Variants in IL1RAPL2 observed in about 807,000 individuals in gnomAD.
IL1RAPL2 encodes interleukin 1 receptor accessory protein like 2, also known as X-linked interleukin-1 receptor accessory protein-like 2.
A neutral mutation model predicts 44.1 loss-of-function variants in IL1RAPL2; 3 were observed. The ratio of observed to expected loss-of-function variants is 0.07; its 90% CI spans 0.03 to 0.18. IL1RAPL2 has a LOEUF of 0.18. Among genes scored for constraint, IL1RAPL2 ranks in the 10% least tolerant of loss-of-function variants. The pLI is 1.00. For synonymous variants in IL1RAPL2, 181 were observed against 178.8 expected (o/e 1.01, Z -0.10); for missense variants, 391 against 496.4 (o/e 0.79, Z 2.02).
intron 2 of IL1RAPL2, among the ~76,000 whole-genome samples, chrX:104,703,116 T>C (rs1379059733): frequency 9.0e-6 from 1 of 111,461 alleles, no homozygotes; most frequent in Non-Finnish European, 1.9e-5. Flanking sequence ...CTCAATTATT[T>C]TCTAGCTCTA....
At chrX:105,755,400 A>G in intron 10 of IL1RAPL2, 53 bp downstream of exon 10, 1 of 913,276 alleles carries the variant, frequency 1.1e-6, no homozygotes, top group Non-Finnish European at 1.5e-6. Context: ...TTAGGATGTT[A>G]TGTGAAGGCT....
chrX:105,503,417 G>T (rs779196671), intron 6 of IL1RAPL2, among the ~76,000 whole-genome samples: 1 of 111,616 alleles, frequency 9.0e-6, no homozygotes, highest in Non-Finnish European at 1.9e-5. Flanking sequence ...ATATTAATGC[G>T]CTTTGGTCTT....
At chrX:105,457,318 A>G (rs770419854) in intron 5 of IL1RAPL2, among the ~76,000 whole-genome samples, 1 of 111,473 alleles carries the variant, frequency 9.0e-6, no homozygotes, top group South Asian at 3.8e-4. Flanking sequence ...TGTATTCACA[A>G]TGTTGTGTAT....
At chrX:105,707,260 G>A (rs2038173208) in intron 6 of IL1RAPL2, among the ~76,000 whole-genome samples, 1 of 111,755 alleles carries the variant, frequency 8.9e-6, no homozygotes, top group South Asian at 3.7e-4. Flanking sequence ...GTTAGCAAAT[G>A]AAAGGGAAAA....
intron 4 of IL1RAPL2, among the ~76,000 whole-genome samples, chrX:105,244,021 A>T (rs1000656683): frequency 8.9e-6 from 1 of 111,775 alleles, no homozygotes; most frequent in Non-Finnish European, 1.9e-5. Context: ...CTGCATGTCA[A>T]TAGGCATCCC....
chrX:105,118,327 A>G (rs1167666399), intron 2 of IL1RAPL2, among the ~76,000 whole-genome samples: 1 of 112,481 alleles, frequency 8.9e-6, no homozygotes, highest in Non-Finnish European at 1.9e-5. Context: ...AAATAATGCA[A>G]AGAGCTTCTG....
chrX:105,031,216 C>T (rs2031486977), intron 2 of IL1RAPL2, among the ~76,000 whole-genome samples: 1 of 108,834 alleles, frequency 9.2e-6, no homozygotes, highest in African/African-American at 3.4e-5. Context: ...TCCTCTTTTC[C>T]TAATTGAATA....
intron 2 of IL1RAPL2, among the ~76,000 whole-genome samples, chrX:104,833,029 A>G (rs1428168886): frequency 8.9e-6 from 1 of 112,437 alleles, no homozygotes; most frequent in Admixed American, 9.5e-5. Context: ...ATTCTTTATG[A>G]GTAGAAGACT....
At chrX:104,659,162 G>T (rs1930338812) in intron 2 of IL1RAPL2, among the ~76,000 whole-genome samples, 167 bp downstream of exon 2, 1 of 111,680 alleles carries the variant, frequency 9.0e-6, no homozygotes, top group Admixed American at 9.6e-5. Flanking sequence ...CTACCACTGA[G>T]AAATTGTTGG....
chrX:105,291,597 C>T (rs1714290226), intron 5 of IL1RAPL2, among the ~76,000 whole-genome samples: 1 of 111,515 alleles, frequency 9.0e-6, no homozygotes, highest in African/African-American at 3.3e-5. Flanking sequence ...AATACCCACA[C>T]CCAGTAGAAG....
At chrX:104,832,247 T>C (rs1468665215) in intron 2 of IL1RAPL2, among the ~76,000 whole-genome samples, 5 of 112,268 alleles carry the variant, frequency 4.5e-5, no homozygotes. Context: ...AGCCATTTAA[T>C]TTTTTTGTTT....
chrX:105,260,697 C>T (rs901329340), intron 4 of IL1RAPL2, among the ~76,000 whole-genome samples: 2 of 112,220 alleles, frequency 1.8e-5, no homozygotes, highest in African/African-American at 3.2e-5. Flanking sequence ...AGTCTAGCCA[C>T]GTTTTGGTAG....
intron 2 of IL1RAPL2, among the ~76,000 whole-genome samples, chrX:104,771,537 A>T (rs139723433): frequency 0.016 from 1,836 of 112,526 alleles, 31 homozygotes; most frequent in Non-Finnish European, 0.025. Flanking sequence ...TTCTCTGACG[A>T]TCAGCAGCAG....
intron 2 of IL1RAPL2, among the ~76,000 whole-genome samples, chrX:105,006,190 G>A (rs1281755363): frequency 9.1e-6 from 1 of 110,380 alleles, no homozygotes; most frequent in African/African-American, 3.3e-5. Context: ...AAGCCATATT[G>A]GGTGTTATTT....
chrX:105,363,437 T>C (rs1202756613), intron 5 of IL1RAPL2, among the ~76,000 whole-genome samples: 1 of 104,937 alleles, frequency 9.5e-6, no homozygotes, highest in African/African-American at 3.4e-5. Context: ...ACATACTGAT[T>C]ACAATTTTTT....
chrX:104,707,926 CT>C (rs1249663881), intron 2 of IL1RAPL2, among the ~76,000 whole-genome samples: 2 of 111,533 alleles, frequency 1.8e-5, no homozygotes, highest in Non-Finnish European at 3.8e-5. Context: ...TATTGTTTTG[CT>C]TCTTTATAAT....
chrX:104,899,035 G>A (rs1006371892), intron 2 of IL1RAPL2, among the ~76,000 whole-genome samples: 2 of 111,864 alleles, frequency 1.8e-5, no homozygotes, highest in Non-Finnish European at 3.8e-5. Flanking sequence ...TCGTAGTATT[G>A]CTATTCCAAT....
intron 2 of IL1RAPL2, among the ~76,000 whole-genome samples, chrX:104,947,149 T>G (rs371065327): frequency 8.9e-6 from 1 of 112,154 alleles, no homozygotes; most frequent in Non-Finnish European, 1.9e-5. Context: ...TTTTGATTTG[T>G]ATTTCTCTGA....
chrX:105,169,587 C>A (rs1431988129), intron 2 of IL1RAPL2, among the ~76,000 whole-genome samples: 3 of 98,246 alleles, frequency 3.1e-5, no homozygotes, highest in African/African-American at 1.2e-4. Context: ...TCACTGCAAC[C>A]TCCACTTCTT....
Sources: allele counts gnomAD v4.1 joint callset (sites outside exome capture counted in the v4.1 genomes callset), GRCh38; gene constraint gnomAD v4.1.1; transcripts MANE v1.5; gene names NCBI Gene and HGNC (gene_info 2026-07-23, HGNC 2026-07-21).